The following PADI3 variants were observed in gnomAD, a reference collection of about 807,000 sequenced individuals.
PADI3 encodes the protein protein-arginine deiminase type-3.
A neutral mutation model predicts 71.5 loss-of-function variants in PADI3; 53 were observed. That is an observed-to-expected ratio of 0.74 (90% CI 0.59 to 0.93). The LOEUF (loss-of-function observed/expected upper bound fraction) is 0.93. PADI3 is among the 40% of genes least tolerant of loss of function. PADI3 has a pLI of 0.00. For missense variants in PADI3, 821 were observed against 868.0 expected (o/e 0.95, Z 0.68); for synonymous variants, 361 against 347.5 (o/e 1.04, Z -0.43).
rs1236185009 is a variant in PADI3 at position 17,267,926 on chromosome 1, T to C, written c.616T>C (p.Tyr206His). 1 of 1,614,092 alleles carries C rather than the reference T, an allele frequency of 6.2e-7. No individual in the cohort carries two copies. The highest frequency in any genetic ancestry group is 1.7e-5 in the Admixed American group (1 of 60,010). Residue 206 changes from tyrosine to histidine, a missense_variant, in exon 6 of 16, where the codon TAT becomes CAT. Coordinates refer to ENST00000375460, the MANE Select transcript of PADI3 (RefSeq NM_016233.2). ...CAAACTTGTCCTCCATACCTCCAGC[T>C]ATGATGCCAAACGGGCACAGGTCTT... ...DHKLVLHTSS[Y>H]DAKRAQVFHI...
chr1:17,258,968 G>T lies in PADI3; in HGVS notation c.93-610G>T, dbSNP rs555664980. The stretch of plus-strand genomic sequence containing the variant: ...TGGGGATTTATCGAGCACATGGCTG[G>T]CTTCTGACTTCCGAAGAGCTCGCCA... On this transcript the variant is annotated intron_variant, in intron 1 of 15. Coordinates refer to ENST00000375460, the MANE Select transcript of PADI3 (RefSeq NM_016233.2). Among the ~76,000 whole-genome samples, 8 of 152,356 alleles carry T rather than the reference G, an allele frequency of 5.3e-5. 1 individual carries two copies. Among genetic ancestry groups the T allele is most frequent in the African/African-American group, 1.9e-4 (8 of 41,586 alleles).
chr1:17,276,846 G>T lies in PADI3; in HGVS notation c.1525G>T (p.Gly509Trp). 1 of 1,613,270 alleles carries T rather than the reference G, an allele frequency of 6.2e-7. No individual in the cohort carries two copies. Reference sequence around the variant, plus strand: ...CCAGGAAAAGCAGAAGTGTGGCCACGGGAGGGCCCTCCTGTTCCAGGGGGT... The same window carrying T: ...CCAGGAAAAGCAGAAGTGTGGCCACTGGAGGGCCCTCCTGTTCCAGGGGGT... ...LFQEKQKCGH[G>W]RALLFQGVVD... The change falls in exon 13 of 16, where the codon GGG becomes TGG. Residue 509 changes from glycine to tryptophan, a missense_variant. Physicochemically the swap from Gly to Trp is radical, Grantham distance 184. Coordinates refer to ENST00000375460, the MANE Select transcript of PADI3 (RefSeq NM_016233.2).
Position 17,259,627 on chromosome 1 carries a change from G to C in PADI3, c.142G>C (p.Val48Leu). The C allele has an allele frequency of 1.2e-6, 2 of 1,613,418 alleles. No individual in the cohort carries two copies. Among genetic ancestry groups the C allele is most frequent in the Non-Finnish European group, 1.7e-6 (2 of 1,179,546 alleles). The change falls in exon 2 of 16, where the codon GTG becomes CTG. Residue 48 changes from valine to leucine, a missense_variant. Val to Leu is a conservative substitution (Grantham distance 32). Transcript: ENST00000375460. ...EMFEVYGTPG[V>L]DIYISPNMER... ...GTTTGAGGTCTATGGGACGCCTGGC[G>C]TGGACATCTACATCTCTCCCAACAT...
Position 17,274,672 on chromosome 1 carries a change from A to G in PADI3, c.1193A>G (p.Asp398Gly). 1 of 1,613,526 alleles carries G rather than the reference A, an allele frequency of 6.2e-7. No homozygotes were observed. The highest frequency in any genetic ancestry group is 1.1e-5 in the South Asian group (1 of 90,956). The change falls in exon 11 of 16, where the codon GAC (aspartate) becomes GGC (glycine). Residue 398 changes from aspartate to glycine, a missense_variant. Transcript: ENST00000375460. Reference protein sequence around the residue: ...DFGYVTREPRDRSVSGLDSFG... With the variant: ...DFGYVTREPRGRSVSGLDSFG... ...GGTTACGTGACTCGGGAACCACGCGACAGGTCTGTGAGTGGCCTGGACTCC... is the reference window on the plus strand; with the variant it reads ...GGTTACGTGACTCGGGAACCACGCGGCAGGTCTGTGAGTGGCCTGGACTCC...
chr1:17,271,682 G>A (rs1327453725), intron 9 of PADI3, among the ~76,000 whole-genome samples: 2 of 151,608 alleles, frequency 1.3e-5, no homozygotes, highest in Admixed American at 1.3e-4. Flanking sequence ...CCCTGTCTCT[G>A]CAAAAAAGTT....
In PADI3 at chr1:17,283,331, G is replaced by A; in HGVS notation, c.*252G>A. On this transcript the variant is annotated 3_prime_UTR_variant, in exon 16 of 16. Transcript: ENST00000375460. Reference sequence around the variant, plus strand: ...CCTCATTTCTTATAGCCTCTCCTGTGATTCAACACAACCCATGGAGATGTC... The same window carrying A: ...CCTCATTTCTTATAGCCTCTCCTGTAATTCAACACAACCCATGGAGATGTC... 2.1e-6 allele frequency: 1 copy of A among 475,332 alleles called. No individual in the cohort carries two copies. The allele number at this position is 475,332 out of a possible 1,614,324, so 29.4% of individuals were successfully genotyped here. A position where few individuals can be genotyped will look rare whatever the true frequency, so the allele number is the denominator to read the frequency against.
At chr1:17,249,280 G>A in intron 1 of PADI3, 51 bp downstream of exon 1, 1 of 1,448,980 alleles carries the variant, frequency 6.9e-7, no homozygotes, top group Non-Finnish European at 9.7e-7. Context: ...TGATGCCCTT[G>A]GACCTTCCTC....
chr1:17,273,164 A>G (rs1480338659), intron 9 of PADI3, among the ~76,000 whole-genome samples, 176 bp from the exon 10 acceptor site: 1 of 152,116 alleles, frequency 6.6e-6, no homozygotes, highest in Non-Finnish European at 1.5e-5. Context: ...TTGAGCCTCC[A>G]GCCCCTCCTC....
At chr1:17,282,794 G>C (rs2073416404) in intron 15 of PADI3, 52 bp from the exon 16 acceptor site, 1 of 1,351,616 alleles carries the variant, frequency 7.4e-7, no homozygotes, top group African/African-American at 1.4e-5. Context: ...GTAGAGTAGA[G>C]GTGTGGGGTG....
intron 2 of PADI3, among the ~76,000 whole-genome samples, chr1:17,260,642 C>T (rs1379013739): frequency 2.6e-5 from 4 of 152,208 alleles, no homozygotes; most frequent in African/African-American, 9.7e-5. Flanking sequence ...GGCAGTCTCC[C>T]TCCATCACCC....
intron 7 of PADI3, 40 bp downstream of exon 7, chr1:17,270,451 C>A (rs1313375462): frequency 1.3e-6 from 2 of 1,558,764 alleles, no homozygotes; most frequent in Non-Finnish European, 1.7e-6. Flanking sequence ...CCACTCGGGA[C>A]CAGCCTGGGC....
At chr1:17,253,911 G>T (rs1413729269) in intron 1 of PADI3, among the ~76,000 whole-genome samples, 1 of 152,200 alleles carries the variant, frequency 6.6e-6, no homozygotes. Flanking sequence ...AGAACAGTGG[G>T]TTTCAATTTC....
At chr1:17,271,442 C>T (rs566434669) in intron 9 of PADI3, among the ~76,000 whole-genome samples, 1 of 152,334 alleles carries the variant, frequency 6.6e-6, no homozygotes, top group South Asian at 2.1e-4. Context: ...GAGACACACA[C>T]TCCCTGCCCT....
In PADI3 at chr1:17,282,894, G is replaced by A; in HGVS notation, c.1810G>A (p.Gly604Arg). ...GCACCTGGGCATCCCCAAGCCCTTT[G>A]GGCCCATCATCAATGGCTGCTGCTG... ...GKHLGIPKPFGPIINGCCCLE... is the reference protein window; with the variant it reads ...GKHLGIPKPFRPIINGCCCLE... Residue 604 changes from glycine to arginine, a missense_variant, in exon 16 of 16, where the codon GGG becomes AGG. Transcript: ENST00000375460. 1.2e-6 allele frequency: 2 copies of A among 1,614,006 alleles called. No individual in the cohort carries two copies. The highest frequency in any genetic ancestry group is 1.1e-5 in the South Asian group (1 of 91,078).
In PADI3 at chr1:17,270,987, G is replaced by A. The variant is rs1488057024; in HGVS notation, c.935+5G>A. The A allele has an allele frequency of 7.4e-6, 12 of 1,613,792 alleles. No homozygotes were observed. Among genetic ancestry groups the A allele is most frequent in the African/African-American group, 1.3e-5 (1 of 74,902 alleles). On this transcript the variant is annotated splice_donor_5th_base_variant and intron_variant, in intron 8 of 15. Coordinates refer to ENST00000375460, the MANE Select transcript of PADI3 (RefSeq NM_016233.2). Reference sequence around the variant, plus strand: ...CCTAGAGGTGTATGTGTGCCGGTGAGTCTTGGGGCAGTGGGTGGTCCCTCT... The same window carrying A: ...CCTAGAGGTGTATGTGTGCCGGTGAATCTTGGGGCAGTGGGTGGTCCCTCT...
intron 1 of PADI3, among the ~76,000 whole-genome samples, chr1:17,250,122 C>T (rs892970304): frequency 1.3e-5 from 2 of 152,088 alleles, no homozygotes; most frequent in African/African-American, 4.8e-5. Context: ...AGGGAGCTGG[C>T]TTCTTAGGCT....
intron 1 of PADI3, among the ~76,000 whole-genome samples, chr1:17,256,124 C>T (rs147150057): frequency 6.6e-6 from 1 of 152,278 alleles, no homozygotes; most frequent in Non-Finnish European, 1.5e-5. Flanking sequence ...GGAACCTGCC[C>T]CAGCCACCCA....
chr1:17,249,292 C>T, intron 1 of PADI3, 63 bp downstream of exon 1: 1 of 1,374,498 alleles, frequency 7.3e-7, no homozygotes, highest in Non-Finnish European at 1.0e-6. Context: ...ACCTTCCTCC[C>T]TGCAGGCTGG....
intron 1 of PADI3, among the ~76,000 whole-genome samples, chr1:17,252,793 G>A (rs1278479502): frequency 6.6e-6 from 1 of 152,218 alleles, no homozygotes; most frequent in Non-Finnish European, 1.5e-5. Context: ...TGGCCCAGTG[G>A]TAAGAACAGA....
Sources: gnomAD v4.1 joint callset for allele counts (sites outside exome capture counted in the v4.1 genomes callset) on GRCh38, gnomAD v4.1.1 for gene constraint, MANE v1.5 for transcripts, NCBI Gene and HGNC (gene_info 2026-07-23, HGNC 2026-07-21) for gene names.